Variants in OSBPL2 observed in about 807,000 individuals in gnomAD.
OSBPL2 encodes the protein oxysterol binding protein like 2, also known as oxysterol-binding protein-related protein 2.
A neutral mutation model predicts 58.4 loss-of-function variants in OSBPL2; 18 were observed. The ratio of observed to expected loss-of-function variants is 0.31; its 90% CI spans 0.21 to 0.46. OSBPL2 has a LOEUF of 0.46. OSBPL2 is among the 20% of genes least tolerant of loss of function. OSBPL2 has a pLI of 1.00. For synonymous variants in OSBPL2, 221 were observed against 234.1 expected (o/e 0.94, Z 0.51); for missense variants, 461 against 616.5 (o/e 0.75, Z 2.67).
rs772853154 is a variant in OSBPL2, at chr20:62,295,900, C to A, written c.*2013C>A. 6 of 152,198 alleles carry A rather than the reference C, an allele frequency of 3.9e-5. No individual in the cohort carries two copies. Among genetic ancestry groups the A allele is most frequent in the South Asian group, 2.1e-4 (1 of 4,834 alleles). 9.4% of individuals were successfully genotyped at this position (152,198 alleles called of 1,614,324 possible). ...AGATAATTTGCCCACGGGTTTGTTT[C>A]CAAGTCCTCTTCTAGGACCAGGCTC... On this transcript the variant is annotated 3_prime_UTR_variant, in exon 14 of 14. Transcript: ENST00000313733. This position sits in a 1 kb window ranked among gnomAD's most constrained non-coding sequence, Gnocchi z 4.8.
At position 62,271,996 on chromosome 20, in the gene OSBPL2, G is replaced by C; in HGVS notation, c.259-129G>C. ...GGGGCAGGGAGTGGCTCACCCATGG[G>C]GGGTTTGAAGATCCGGTTCAACCCC... On this transcript the variant is annotated intron_variant, in intron 4 of 13. Coordinates refer to ENST00000313733, the MANE Select transcript of OSBPL2 (RefSeq NM_144498.4). 3 of 1,091,740 alleles carry C rather than the reference G, an allele frequency of 2.7e-6. No individual in the cohort carries two copies. In the South Asian group the frequency reaches 4.4e-5, roughly 16 times the overall value. 67.6% of individuals were successfully genotyped at this position (1,091,740 alleles called of 1,614,324 possible).
intron 12 of OSBPL2, 130 bp downstream of exon 12, chr20:62,289,460 C>T: frequency 9.0e-7 from 1 of 1,110,030 alleles, no homozygotes; most frequent in Non-Finnish European, 1.3e-6. Context: ...TCTCCCTAAA[C>T]AAACAGGCAG....
rs576868205 is a variant in OSBPL2 at position 62,263,860 on chromosome 20, T to C, written c.258+169T>C. Among the ~76,000 whole-genome samples, 48 of 152,108 alleles carry C rather than the reference T, an allele frequency of 3.2e-4. No homozygotes were observed. In the South Asian group the frequency reaches 3.7e-3, roughly 12 times the overall value. ...GTGGGCGGATCACGAGGTCAGGAGA[T>C]CGAGACCATCCTGGCTAACACAGTG... On this transcript the variant is annotated intron_variant, in intron 4 of 13. Transcript: ENST00000313733.
chr20:62,287,294 T>TA, intron 11 of OSBPL2, among the ~76,000 whole-genome samples: 1 of 152,372 alleles, frequency 6.6e-6, no homozygotes, highest in East Asian at 1.9e-4. Context: ...TATAAATTCT[T>TA]ATTTGTATAT....
intron 13 of OSBPL2, among the ~76,000 whole-genome samples, chr20:62,293,438 CAT>C (rs1357883960): frequency 3.3e-5 from 5 of 152,198 alleles, no homozygotes; most frequent in African/African-American, 1.2e-4. Context: ...AATGACAGCA[CAT>C]GTGAACAGTG....
At chr20:62,270,049 C>G (rs553372835) in intron 4 of OSBPL2, among the ~76,000 whole-genome samples, 1 of 152,384 alleles carries the variant, frequency 6.6e-6, no homozygotes, top group Admixed American at 6.5e-5. Flanking sequence ...CCCCTCCCAG[C>G]ACGGACGCTG....
In OSBPL2 at chr20:62,295,728, T is replaced by C. The variant is rs1983823220; in HGVS notation, c.*1841T>C. 1 of 152,184 alleles carries C rather than the reference T, an allele frequency of 6.6e-6. No homozygotes were observed. The highest frequency in any genetic ancestry group is 2.1e-4 in the South Asian group (1 of 4,816). 9.4% of individuals were successfully genotyped at this position (152,184 alleles called of 1,614,324 possible). ...GCCTCTGGTGGAGGGTCATCTGCTT[T>C]TCCAGACTGTGGTTGTGAACCGGCT... On this transcript the variant is annotated 3_prime_UTR_variant, in exon 14 of 14. Transcript: ENST00000313733. The surrounding 1 kb of genome is among the most constrained non-coding windows in gnomAD (Gnocchi z 4.8).
chr20:62,246,500 C>T (rs1482364135), intron 1 of OSBPL2, among the ~76,000 whole-genome samples: 1 of 152,170 alleles, frequency 6.6e-6, no homozygotes, highest in Non-Finnish European at 1.5e-5. Context: ...AGCTGGGTGT[C>T]AGTGGGGTGA....
chr20:62,280,071 C>T (rs752300544), intron 7 of OSBPL2: 124 of 1,304,204 alleles, frequency 9.5e-5, no homozygotes, highest in Non-Finnish European at 1.1e-4. Context: ...CGCTAAGACC[C>T]GACAGACACA....
intron 1 of OSBPL2, among the ~76,000 whole-genome samples, chr20:62,240,814 G>A (rs1334533240): frequency 1.3e-5 from 2 of 152,126 alleles, no homozygotes; most frequent in Non-Finnish European, 2.9e-5. Flanking sequence ...TTTACCGTTT[G>A]ACCATTCAGG....
chr20:62,252,832 G>T (rs1980650385), intron 1 of OSBPL2, among the ~76,000 whole-genome samples: 1 of 152,262 alleles, frequency 6.6e-6, no homozygotes, highest in African/African-American at 2.4e-5. Flanking sequence ...GCGAGGAGGA[G>T]TGAGAGAGAC....
intron 1 of OSBPL2, among the ~76,000 whole-genome samples, chr20:62,251,981 G>A (rs763303336): frequency 2.8e-5 from 4 of 141,828 alleles, no homozygotes; most frequent in Admixed American, 7.5e-5. Context: ...TCCCAGGCTC[G>A]AGTGATCCTT....
intron 8 of OSBPL2, 32 bp downstream of exon 8, chr20:62,281,197 G>A (rs375637637): frequency 8.6e-6 from 13 of 1,510,934 alleles, no homozygotes; most frequent in East Asian, 4.6e-5. Flanking sequence ...GTGAGAGCGC[G>A]AGGCTCCGGG....
intron 4 of OSBPL2, among the ~76,000 whole-genome samples, chr20:62,264,892 A>G (rs547848913): frequency 1.3e-5 from 2 of 152,148 alleles, no homozygotes; most frequent in African/African-American, 4.8e-5. Flanking sequence ...GGTTTGTCTG[A>G]TGTTTTCTTC....
At position 62,256,175 on chromosome 20, in the gene OSBPL2, C is replaced by T; in HGVS notation, c.-10C>T. The T allele has an allele frequency of 6.2e-7, 1 of 1,613,770 alleles. No homozygotes were observed. Among genetic ancestry groups the T allele is most frequent in the Non-Finnish European group, 8.5e-7 (1 of 1,179,778 alleles). On this transcript the variant is annotated 5_prime_UTR_variant, in exon 2 of 14. Coordinates refer to ENST00000313733, the MANE Select transcript of OSBPL2 (RefSeq NM_144498.4). Reference sequence around the variant, plus strand: ...ACATGTCAGGGGCAGTGGAGGCTGGCTGCTGAAGGATGAACGGAGAGGAAG... The same window carrying T: ...ACATGTCAGGGGCAGTGGAGGCTGGTTGCTGAAGGATGAACGGAGAGGAAG...
At chr20:62,246,951 G>C (rs923510862) in intron 1 of OSBPL2, among the ~76,000 whole-genome samples, 3 of 152,174 alleles carry the variant, frequency 2.0e-5, no homozygotes, top group African/African-American at 7.2e-5. Flanking sequence ...TGGTGCTCTG[G>C]CAACCTCGCA....
At chr20:62,278,732 T>C (rs1216925803) in intron 6 of OSBPL2, 1 of 183,830 alleles carries the variant, frequency 5.4e-6, no homozygotes, top group East Asian at 1.9e-4. Flanking sequence ...TGCGATGTCA[T>C]GTTTGTGTGT....
At chr20:62,283,912 G>T in intron 9 of OSBPL2, 134 bp from the exon 10 acceptor site, 1 of 855,976 alleles carries the variant, frequency 1.2e-6, no homozygotes, top group Non-Finnish European at 1.8e-6. Flanking sequence ...TTTCACCTTC[G>T]CATTTATGTC....
rs548616777 is a variant in OSBPL2, at chr20:62,248,209, C to T, written c.-128-7848C>T. On this transcript the variant is annotated intron_variant, in intron 1 of 13. Transcript: ENST00000313733. ...TCGCTCTGTTGCCCAGGCTGGAGTG[C>T]AATGGCTAAATCTTGGCTCATTGCA... is the stretch of plus-strand genomic sequence containing the variant. 2.5e-4 allele frequency among the ~76,000 whole-genome samples: 33 copies of T among 133,102 alleles called. 1 individual carries two copies. The South Asian group carries it at 5.9e-3, about 24-fold the overall frequency. The allele number at this position is 133,102 out of a possible 152,430, so 87.3% of individuals were successfully genotyped here. A position where few individuals can be genotyped will look rare whatever the true frequency, so the allele number is the denominator to read the frequency against.
Sources: allele counts gnomAD v4.1 joint callset (sites outside exome capture counted in the v4.1 genomes callset), GRCh38; gene constraint gnomAD v4.1.1; non-coding constraint Gnocchi (gnomAD v3.1); transcripts MANE v1.5; gene names NCBI Gene and HGNC (gene_info 2026-07-23, HGNC 2026-07-21).